CNIH3: variants seen among roughly 807,000 people sequenced by gnomAD.
CNIH3 encodes the protein protein cornichon homolog 3.
CNIH3 carries 14 observed loss-of-function variants against 24.1 expected under a neutral mutation model. The observed-to-expected ratio is 0.58, with a 90% CI of 0.38 to 0.91. The LOEUF is 0.91. Ranked by LOEUF, CNIH3 falls within the 40% of genes least tolerant of loss-of-function variation. The pLI is 0.00. For synonymous variants in CNIH3, 68 were observed against 73.8 expected (o/e 0.92, Z 0.40); for missense variants, 178 against 196.8 (o/e 0.90, Z 0.57).
intron 1 of CNIH3, among the ~76,000 whole-genome samples, chr1:224,498,494 A>C (rs1677523410): frequency 6.6e-6 from 1 of 152,198 alleles, no homozygotes; most frequent in South Asian, 2.1e-4. Flanking sequence ...AAGAAGGGAA[A>C]CCAATGGACA....
chr1:224,508,089 A>G (rs1677991779), intron 1 of CNIH3, among the ~76,000 whole-genome samples: 1 of 152,230 alleles, frequency 6.6e-6, no homozygotes. Flanking sequence ...TTTCTGGTAT[A>G]TGTATGTTTT....
intron 1 of CNIH3, among the ~76,000 whole-genome samples, chr1:224,470,928 G>T (rs1676344035): frequency 6.6e-6 from 1 of 152,146 alleles, no homozygotes; most frequent in Admixed American, 6.5e-5. Flanking sequence ...ATAACCTCAA[G>T]AATTTATCGT....
intron 1 of CNIH3, among the ~76,000 whole-genome samples, chr1:224,657,679 C>A (rs1197914607): frequency 6.6e-6 from 1 of 152,198 alleles, no homozygotes; most frequent in African/African-American, 2.4e-5. Flanking sequence ...CAACGAGAGT[C>A]CTGGACGTTT....
At chr1:224,435,022 C>CT in intron 1 of CNIH3, 1 of 985,578 alleles carries the variant, frequency 1.0e-6, no homozygotes, top group Non-Finnish European at 1.2e-6. Flanking sequence ...GGCCTTTCCC[C>CT]TTGCGCCCTG....
At chr1:224,640,987 A>G (rs772181271) in intron 1 of CNIH3, among the ~76,000 whole-genome samples, 1 of 152,076 alleles carries the variant, frequency 6.6e-6, no homozygotes, top group Non-Finnish European at 1.5e-5. Flanking sequence ...CATTCAGCAA[A>G]GATTATACCG....
intron 2 of CNIH3, among the ~76,000 whole-genome samples, chr1:224,524,167 T>A (rs1678751990): frequency 6.6e-6 from 1 of 152,174 alleles, no homozygotes; most frequent in Admixed American, 6.5e-5. Context: ...TAAAGGATCC[T>A]CCCAGGGTCC....
At chr1:224,493,610 G>A (rs183748781) in intron 1 of CNIH3, among the ~76,000 whole-genome samples, 381 of 152,288 alleles carry the variant, frequency 2.5e-3, no homozygotes, top group Non-Finnish European at 3.7e-3. Flanking sequence ...GAGTTGCAAG[G>A]TTTATCAAAG....
intron 1 of CNIH3, among the ~76,000 whole-genome samples, chr1:224,675,112 T>A (rs781416821): frequency 1.3e-5 from 2 of 152,050 alleles, no homozygotes; most frequent in Non-Finnish European, 2.9e-5. Flanking sequence ...CACTTAAACC[T>A]CCATCTCAAA....
intron 1 of CNIH3, among the ~76,000 whole-genome samples, chr1:224,438,712 G>GAGCACAGTTCTTGGGCC (rs1468855710): frequency 1.3e-5 from 2 of 152,112 alleles, no homozygotes; most frequent in African/African-American, 4.8e-5. Context: ...GAATTCAGGA[G>GAGCACAGTTCTTGGGCC]AGCACAGTTC....
At chr1:224,594,784 G>A (rs74146400) in intron 3 of CNIH3, among the ~76,000 whole-genome samples, 7,284 of 152,274 alleles carry the variant, frequency 0.048, 592 homozygotes, top group African/African-American at 0.16. Flanking sequence ...CTTGTAGTGT[G>A]CAGGTCCCAT....
chr1:224,506,156 T>A (rs1204902661), intron 1 of CNIH3, among the ~76,000 whole-genome samples: 1 of 152,204 alleles, frequency 6.6e-6, no homozygotes, highest in Non-Finnish European at 1.5e-5. Context: ...GAAATTCCTT[T>A]GTAACAAAGG....
At chr1:224,490,024 CA>C (rs1316317872) in intron 1 of CNIH3, among the ~76,000 whole-genome samples, 2 of 151,716 alleles carry the variant, frequency 1.3e-5, no homozygotes, top group Admixed American at 1.3e-4. Context: ...TATGTAGGAC[CA>C]AAAAAATAGG....
At chr1:224,672,420 A>T (rs184970894) in intron 1 of CNIH3, among the ~76,000 whole-genome samples, 1 of 152,350 alleles carries the variant, frequency 6.6e-6, no homozygotes, top group East Asian at 1.9e-4. Flanking sequence ...ACAAATTACC[A>T]CCAGGTGGGT....
At chr1:224,445,127 C>T (rs1675100971) in intron 1 of CNIH3, among the ~76,000 whole-genome samples, 1 of 152,104 alleles carries the variant, frequency 6.6e-6, no homozygotes, top group South Asian at 2.1e-4. Flanking sequence ...ATTTGCATTT[C>T]TCTGATGACT....
At chr1:224,620,535 A>T (rs140336757) in intron 1 of CNIH3, among the ~76,000 whole-genome samples, 43 of 152,348 alleles carry the variant, frequency 2.8e-4, no homozygotes, top group Middle Eastern at 3.4e-3. Flanking sequence ...CAGACTCAAG[A>T]CATGCTATAT....
intron 1 of CNIH3, among the ~76,000 whole-genome samples, chr1:224,470,980 A>G (rs1309651489): frequency 6.6e-6 from 1 of 152,188 alleles, no homozygotes; most frequent in Non-Finnish European, 1.5e-5. Flanking sequence ...TAATTATTTA[A>G]AAGTGTACAA....
chr1:224,497,313 A>T (rs1264382533), intron 1 of CNIH3, among the ~76,000 whole-genome samples: 2 of 152,252 alleles, frequency 1.3e-5, no homozygotes, highest in African/African-American at 4.8e-5. Flanking sequence ...TTTGCACAAC[A>T]TAGTGAATAT....
upstream of CNIH3, among the ~76,000 whole-genome samples, chr1:224,613,895 T>C (rs1682817798): frequency 6.6e-6 from 1 of 152,026 alleles, no homozygotes; most frequent in Non-Finnish European, 1.5e-5. Context: ...TTTTTTTTTT[T>C]TGAGACAGGG....
At chr1:224,442,060 T>C (rs1406668052) in intron 1 of CNIH3, among the ~76,000 whole-genome samples, 2 of 147,214 alleles carry the variant, frequency 1.4e-5, no homozygotes, top group Non-Finnish European at 3.0e-5. Context: ...CCTTCATTGC[T>C]CAGGCAGGAG....
Sources: gnomAD v4.1 joint callset for allele counts (sites outside exome capture counted in the v4.1 genomes callset) on GRCh38, gnomAD v4.1.1 for gene constraint, MANE v1.5 for transcripts, NCBI Gene and HGNC (gene_info 2026-07-23, HGNC 2026-07-21) for gene names.